ANK2: variants seen among roughly 807,000 people sequenced by gnomAD.
The protein encoded by ANK2 is ankyrin 2.
ANK2 carries 83 observed loss-of-function variants against 360.5 expected under a neutral mutation model. That is an observed-to-expected ratio of 0.23 (90% confidence interval 0.19 to 0.28). The LOEUF is 0.28. Ranked by LOEUF, ANK2 falls within the 10% of genes least tolerant of loss-of-function variation. The pLI is 1.00. For synonymous variants in ANK2, 1,740 were observed against 1,759.5 expected (o/e 0.99, Z 0.28); for missense variants, 4,201 against 4,795.7 (o/e 0.88, Z 3.66).
intron 2 of ANK2, among the ~76,000 whole-genome samples, chr4:113,011,248 G>T (rs2054618414): frequency 6.6e-6 from 1 of 151,994 alleles, no homozygotes; most frequent in Non-Finnish European, 1.5e-5. Flanking sequence ...TTTAAGCTGG[G>T]ATAAATGTTT....
chr4:113,375,966 A>G (rs1287386979), intron 45 of ANK2, among the ~76,000 whole-genome samples: 2 of 152,192 alleles, frequency 1.3e-5, no homozygotes, highest in Non-Finnish European at 2.9e-5. Context: ...GCTCTGGAGT[A>G]TTAGTATTAT....
chr4:113,276,078 A>G (rs1158473841), intron 15 of ANK2, among the ~76,000 whole-genome samples: 1 of 151,326 alleles, frequency 6.6e-6, no homozygotes, highest in African/African-American at 2.4e-5. Context: ...AGTAGCTGGG[A>G]CTACAGGTGC....
chr4:113,176,603 ATTTATTTATTTATTTTTATTTTAT>A (rs1247708736), intron 2 of ANK2, among the ~76,000 whole-genome samples: 9 of 151,740 alleles, frequency 5.9e-5, no homozygotes, highest in Non-Finnish European at 8.8e-5. Flanking sequence ...AATATGAAAT[ATTTATTTATTTATTTTTATTTTAT>A]TTTATTTTAT....
chr4:113,123,254 T>G (rs906061357), intron 1 of ANK2, among the ~76,000 whole-genome samples: 2 of 152,104 alleles, frequency 1.3e-5, no homozygotes, highest in African/African-American at 4.8e-5. Context: ...AAACTTAATT[T>G]TATTAGTCCC....
At chr4:112,884,461 A>C (rs1197762178) in intron 1 of ANK2, among the ~76,000 whole-genome samples, 1 of 152,146 alleles carries the variant, frequency 6.6e-6, no homozygotes, top group Non-Finnish European at 1.5e-5. Flanking sequence ...TTTGAATTTC[A>C]TATCATTTTC....
chr4:113,198,705 A>G (rs17529579), intron 3 of ANK2, among the ~76,000 whole-genome samples: 3,372 of 152,214 alleles, frequency 0.022, 55 homozygotes, highest in Middle Eastern at 0.037. Flanking sequence ...ATTAAATTGC[A>G]TGAATCTCAT....
At chr4:112,766,443 A>G in the ANK2 span, among the ~76,000 whole-genome samples, 2 of 152,232 alleles carry the variant, frequency 1.3e-5, no homozygotes, top group East Asian at 3.8e-4. Flanking sequence ...TCCTTTAATT[A>G]CAAGTGAGAA....
chr4:113,029,242 G>GT (rs893095622), intron 2 of ANK2, among the ~76,000 whole-genome samples: 51 of 151,072 alleles, frequency 3.4e-4, no homozygotes, highest in East Asian at 1.4e-3. Flanking sequence ...TTTTGTTTTT[G>GT]TTTTTTTTGT....
chr4:113,086,629 A>G (rs2084920043), intron 1 of ANK2, among the ~76,000 whole-genome samples: 1 of 152,224 alleles, frequency 6.6e-6, no homozygotes, highest in African/African-American at 2.4e-5. Flanking sequence ...GCAAAAAGCA[A>G]GCAAGCAAGC....
At chr4:113,198,949 C>A in intron 3 of ANK2, 62 bp from the exon 4 acceptor site, 1 of 1,381,094 alleles carries the variant, frequency 7.2e-7, no homozygotes, top group Non-Finnish European at 1.0e-6. Flanking sequence ...AATGCCTGCA[C>A]ATTTTGATTT....
chr4:113,207,306 A>G (rs555691241), intron 4 of ANK2, among the ~76,000 whole-genome samples: 1 of 152,354 alleles, frequency 6.6e-6, no homozygotes, highest in African/African-American at 2.4e-5. Context: ...ATAATCGAAG[A>G]CATCATCACA....
At position 112,932,289 on chromosome 4, in the gene ANK2, C is replaced by T. The variant is rs183094248; in HGVS notation, c.21+27775C>T. ...GGCGGATCACCTGAGGTCAGGAGTT[C>T]GAGACCAGCCTGACCCACATGGTGA... On this transcript the variant is annotated intron_variant, in intron 2 of 30. Coordinates refer to the ANK2 transcript ENST00000503271. Among the ~76,000 whole-genome samples the T allele has an allele frequency of 2.8e-4, 43 of 151,984 alleles. 1 individual carries two copies. Among genetic ancestry groups the T allele is most frequent in the East Asian group, 2.7e-3 (14 of 5,176 alleles).
At chr4:113,319,854 G>T (rs114910033) in intron 26 of ANK2, among the ~76,000 whole-genome samples, 3,891 of 152,242 alleles carry the variant, frequency 0.026, 84 homozygotes, top group Non-Finnish European at 0.04. Context: ...CTTCTTCACA[G>T]TGGTAAGAAG....
chr4:112,951,106 A>AAAAG, intron 2 of ANK2, among the ~76,000 whole-genome samples: 1 of 149,888 alleles, frequency 6.7e-6, no homozygotes, highest in Non-Finnish European at 1.5e-5. Context: ...AAAAAAAAAA[A>AAAAG]TGTGTGCCTC....
intron 1 of ANK2, among the ~76,000 whole-genome samples, chr4:112,847,020 T>C (rs924972289): frequency 6.6e-6 from 1 of 152,318 alleles, no homozygotes; most frequent in Admixed American, 6.5e-5. Flanking sequence ...GAGGATATAG[T>C]CACATGGCCA....
At chr4:112,778,252 GA>G in the ANK2 span, among the ~76,000 whole-genome samples, 1 of 152,106 alleles carries the variant, frequency 6.6e-6, no homozygotes, top group Non-Finnish European at 1.5e-5. Context: ...TTACAGGTGT[GA>G]GCCACCACAC....
intron 3 of ANK2, among the ~76,000 whole-genome samples, chr4:113,198,723 T>A (rs1347931445): frequency 6.6e-6 from 1 of 152,092 alleles, no homozygotes; most frequent in Non-Finnish European, 1.5e-5. Context: ...CATGAGATAT[T>A]GACACATACA....
intron 1 of ANK2, among the ~76,000 whole-genome samples, chr4:113,061,742 C>T (rs1006907694): frequency 6.6e-5 from 10 of 151,560 alleles, no homozygotes; most frequent in South Asian, 2.1e-4. Flanking sequence ...TTGTTTAATG[C>T]GCACAAAAAA....
At chr4:113,039,479 T>A (rs2062411694) in intron 2 of ANK2, among the ~76,000 whole-genome samples, 1 of 152,068 alleles carries the variant, frequency 6.6e-6, no homozygotes, top group African/African-American at 2.4e-5. Context: ...AGCTCTCTAC[T>A]TGTAATGCCT....
Sources: gnomAD v4.1 joint callset for allele counts (sites outside exome capture counted in the v4.1 genomes callset) on GRCh38, gnomAD v4.1.1 for gene constraint, MANE v1.5 for transcripts, NCBI Gene and HGNC (gene_info 2026-07-23, HGNC 2026-07-21) for gene names.